The following PTPRD variants were observed in gnomAD, a reference collection of about 807,000 sequenced individuals.
PTPRD encodes protein tyrosine phosphatase receptor type D.
A neutral mutation model predicts 214.5 loss-of-function variants in PTPRD; 34 were observed. The observed-to-expected ratio is 0.16, with a 90% CI of 0.12 to 0.21. PTPRD has a LOEUF of 0.21. PTPRD is among the 10% of genes least tolerant of loss of function. The probability of loss-of-function intolerance (pLI) is 1.00; values close to 1 mark genes in which losing one functional copy is unlikely to be tolerated. For missense variants in PTPRD, 2,545 were observed against 2,398.7 expected, an observed-to-expected ratio of 1.06 and a Z score of -1.27; for synonymous variants, 1,128 against 845.7, an observed-to-expected ratio of 1.33 and a Z score of -5.79.
chr9:10,081,964 C>T (rs2098245858), intron 3 of PTPRD, among the ~76,000 whole-genome samples: 1 of 151,820 alleles, frequency 6.6e-6, no homozygotes, highest in African/African-American at 2.4e-5. Context: ...TACACTTAGG[C>T]CACAGAGAGA....
At chr9:8,360,032 G>T (rs565763070) in intron 39 of PTPRD, among the ~76,000 whole-genome samples, 26 of 152,124 alleles carry the variant, frequency 1.7e-4, no homozygotes, top group African/African-American at 4.1e-4. Context: ...GAATGTTTGT[G>T]GTGTCATCAT....
intron 9 of PTPRD, among the ~76,000 whole-genome samples, chr9:9,272,479 C>G (rs1432619952): frequency 2.6e-5 from 4 of 151,218 alleles, no homozygotes; most frequent in African/African-American, 9.7e-5. Context: ...CACACATCCC[C>G]CGATCCTGAT....
chr9:8,961,615 C>A (rs747239266), intron 11 of PTPRD, among the ~76,000 whole-genome samples: 3 of 152,096 alleles, frequency 2.0e-5, no homozygotes, highest in Non-Finnish European at 4.4e-5. Flanking sequence ...ACTGAGCAAC[C>A]ACTGTGGCTG....
Position 8,849,575 on chromosome 9 carries a change from C to G in PTPRD, c.-103-115629G>C, listed in dbSNP as rs551714253. On this transcript the variant is annotated intron_variant, in intron 11 of 45. Coordinates refer to ENST00000381196, the MANE Select transcript of PTPRD (RefSeq NM_002839.4). ...TCAACGAAAAGGAATAGCACTTGAA[C>G]TGAGCATTAGAAAATGAGAGAATAA... Among the ~76,000 whole-genome samples, 4 of 152,212 alleles carry G rather than the reference C, an allele frequency of 2.6e-5. No individual in the cohort carries two copies. In the East Asian group the frequency reaches 7.7e-4, roughly 29 times the overall value.
intron 43 of PTPRD, among the ~76,000 whole-genome samples, chr9:8,333,518 A>C (rs1283181584): frequency 6.6e-6 from 1 of 152,212 alleles, no homozygotes; most frequent in Non-Finnish European, 1.5e-5. Flanking sequence ...AGATTATGTC[A>C]CCACCAGGCC....
chr9:9,049,740 C>A (rs1272209140), intron 10 of PTPRD, among the ~76,000 whole-genome samples: 1 of 152,154 alleles, frequency 6.6e-6, no homozygotes, highest in South Asian at 2.1e-4. Context: ...TCTAATAATA[C>A]TGAGTGGCTG....
chr9:10,260,444 T>G (rs937005468), intron 3 of PTPRD, among the ~76,000 whole-genome samples: 1 of 152,190 alleles, frequency 6.6e-6, no homozygotes, highest in Non-Finnish European at 1.5e-5. Context: ...TTCCCATAGG[T>G]AATCTCAAAA....
intron 10 of PTPRD, among the ~76,000 whole-genome samples, chr9:9,043,512 A>G (rs1363219792): frequency 6.6e-6 from 1 of 152,194 alleles, no homozygotes; most frequent in Non-Finnish European, 1.5e-5. Context: ...TAAATAGTTC[A>G]CTTTCAACTA....
chr9:8,535,976 G>A (rs1214395216), intron 14 of PTPRD, among the ~76,000 whole-genome samples: 1 of 151,846 alleles, frequency 6.6e-6, no homozygotes, highest in Non-Finnish European at 1.5e-5. Flanking sequence ...CTAATGCAAA[G>A]CACTATAATG....
rs75974928 is a variant in PTPRD, at chr9:10,361,242, T to A, written c.-599-20225A>T. 4.5e-3 allele frequency among the ~76,000 whole-genome samples: 693 copies of A among 152,324 alleles called. 3 individuals carry two copies. The highest frequency in any genetic ancestry group is 0.015 in the African/African-American group (614 of 41,586). ...AACAGAAGACAGGTAGATTCTTCCA[T>A]CTGCTTTCAATCTGTTGTGGTATCT... On this transcript the variant is annotated intron_variant, in intron 2 of 45. Transcript: ENST00000381196.
At chr9:10,197,039 T>C (rs1360737133) in intron 3 of PTPRD, among the ~76,000 whole-genome samples, 1 of 152,100 alleles carries the variant, frequency 6.6e-6, no homozygotes, top group Non-Finnish European at 1.5e-5. Context: ...TAAATTTCTG[T>C]TCTTTATAAG....
At chr9:8,797,466 T>C (rs1395724956) in intron 11 of PTPRD, among the ~76,000 whole-genome samples, 3 of 152,198 alleles carry the variant, frequency 2.0e-5, no homozygotes, top group Non-Finnish European at 4.4e-5. Context: ...AAAAAGGATG[T>C]CTAAGCGATA....
At chr9:10,206,196 G>C (rs1043851842) in intron 3 of PTPRD, among the ~76,000 whole-genome samples, 2 of 151,988 alleles carry the variant, frequency 1.3e-5, no homozygotes, top group African/African-American at 4.8e-5. Flanking sequence ...GAAATCAAAA[G>C]GAATGAAATA....
intron 33 of PTPRD, 176 bp downstream of exon 33, chr9:8,460,235 T>C (rs1454292122): frequency 1.3e-6 from 1 of 788,580 alleles, no homozygotes; most frequent in East Asian, 2.5e-5. Flanking sequence ...AGATTCCAAA[T>C]AGTACAGTCT....
chr9:10,129,396 T>G (rs1005112571), intron 3 of PTPRD, among the ~76,000 whole-genome samples: 2 of 152,126 alleles, frequency 1.3e-5, no homozygotes, highest in Non-Finnish European at 2.9e-5. Flanking sequence ...TATTCTGTTT[T>G]CACTGCTGTT....
At chr9:10,606,944 T>C (rs2079559570) in intron 2 of PTPRD, among the ~76,000 whole-genome samples, 1 of 151,924 alleles carries the variant, frequency 6.6e-6, no homozygotes, top group Non-Finnish European at 1.5e-5. Flanking sequence ...AAATGAATTA[T>C]TTCAAAAGTT....
intron 5 of PTPRD, among the ~76,000 whole-genome samples, chr9:9,822,293 T>A (rs972165304): frequency 6.6e-6 from 1 of 151,354 alleles, no homozygotes; most frequent in Non-Finnish European, 1.5e-5. Flanking sequence ...TGCCTGTAGT[T>A]CCAGCTACTA....
intron 14 of PTPRD, among the ~76,000 whole-genome samples, chr9:8,598,160 T>C (rs1363730236): frequency 1.3e-5 from 2 of 152,158 alleles, no homozygotes; most frequent in Non-Finnish European, 2.9e-5. Context: ...TCATACATTC[T>C]CCAAATTTTC....
intron 2 of PTPRD, among the ~76,000 whole-genome samples, chr9:10,426,860 C>G (rs2064016547): frequency 6.6e-6 from 1 of 151,990 alleles, no homozygotes; most frequent in Admixed American, 6.6e-5. Flanking sequence ...CACAGGTTGG[C>G]AAAGGACGTC....
Sources: gnomAD v4.1 joint callset for allele counts (sites outside exome capture counted in the v4.1 genomes callset) on GRCh38, gnomAD v4.1.1 for gene constraint, MANE v1.5 for transcripts, NCBI Gene and HGNC (gene_info 2026-07-23, HGNC 2026-07-21) for gene names.